The following DEFB112 variants were observed in gnomAD, a reference collection of about 807,000 sequenced individuals.
The protein encoded by DEFB112 is defensin beta 112, also known as beta-defensin 112.
Under a neutral mutation model 1.1 loss-of-function variants are expected in DEFB112, and 2 were observed. The observed-to-expected ratio is 1.85, with a 90% CI of 0.76 to 5.83. DEFB112 has a LOEUF of 5.83. Among genes scored for constraint, DEFB112 ranks in the 30% most tolerant of loss-of-function variants. The pLI is 0.05. For missense variants in DEFB112, 120 were observed against 94.4 expected (o/e 1.27, Z -1.12); for synonymous variants, 40 against 31.2 (o/e 1.28, Z -0.93).
In DEFB112 at chr6:50,043,738, C is replaced by A. The variant is rs760015661; in HGVS notation, c.122G>T (p.Arg41Leu). The A allele has an allele frequency of 6.2e-7, 1 of 1,613,302 alleles. No homozygotes were observed. Among genetic ancestry groups the A allele is most frequent in the Non-Finnish European group, 8.5e-7 (1 of 1,179,536 alleles). The change falls in exon 2 of 2, where the codon CGA becomes CTA. Residue 41 changes from arginine (R) to leucine (L), a missense_variant. Arg to Leu is a moderately radical substitution (Grantham distance 102). Transcript: ENST00000651554. Reference protein sequence around the residue: ...RWKSCTAIGGRCKNQCDDSEF... With the variant: ...RWKSCTAIGGLCKNQCDDSEF... ...ACTATCATCACATTGATTTTTACAT[C>A]GACCTCCAATCGCTGTACATGACTT...
intron 1 of DEFB112, among the ~76,000 whole-genome samples, chr6:50,049,320 G>A (rs532410141): frequency 9.9e-5 from 15 of 152,188 alleles, no homozygotes; most frequent in African/African-American, 3.4e-4. Flanking sequence ...CTGGAAGTGA[G>A]CAGTAGACAA....
rs1400175038 is a variant in DEFB112, at chr6:50,048,833, AAATG to A, written c.58+975_58+978del. Among the ~76,000 whole-genome samples the A allele has an allele frequency of 3.3e-5, 5 of 152,320 alleles. No individual in the cohort carries two copies. The East Asian group carries it at 9.7e-4, about 29-fold the overall frequency. ...AGTACATATGTTTAAAAATCCAGTT[AAATG>A]AATAAATGACTTGGCTATTAATAAG... On this transcript the variant is annotated intron_variant, in intron 1 of 1. Coordinates refer to ENST00000651554, the MANE Select transcript of DEFB112 (RefSeq NM_001369057.2).
intron 1 of DEFB112, among the ~76,000 whole-genome samples, chr6:50,045,700 C>T (rs1244891629): frequency 6.6e-6 from 1 of 152,138 alleles, no homozygotes; most frequent in Non-Finnish European, 1.5e-5. Flanking sequence ...ATGGTACAAC[C>T]TATCACATAC....
chr6:50,047,774 T>G (rs1006015119), intron 1 of DEFB112, among the ~76,000 whole-genome samples: 16 of 152,202 alleles, frequency 1.1e-4, no homozygotes, highest in Non-Finnish European at 8.8e-5. Context: ...CAGAACACCT[T>G]TATCATTCTT....
At chr6:50,049,132 C>A (rs1049372281) in intron 1 of DEFB112, among the ~76,000 whole-genome samples, 1 of 151,888 alleles carries the variant, frequency 6.6e-6, no homozygotes, top group Non-Finnish European at 1.5e-5. Context: ...CCTCCTTGTC[C>A]CCTTTTGGTG....
intron 1 of DEFB112, 141 bp from the exon 2 acceptor site, chr6:50,043,942 G>A: frequency 1.4e-6 from 1 of 719,830 alleles, no homozygotes; most frequent in Middle Eastern, 3.2e-4. Flanking sequence ...GTCCATATCA[G>A]AGAAAATCAA....
chr6:50,043,753 G>C lies in DEFB112; in HGVS notation c.107C>G (p.Thr36Arg). 6.2e-7 allele frequency: 1 copy of C among 1,613,438 alleles called. No homozygotes were observed. Among genetic ancestry groups the C allele is most frequent in the Admixed American group, 1.7e-5 (1 of 59,968 alleles). The change falls in exon 2 of 2, where the codon ACA (threonine) becomes AGA (arginine). Residue 36 changes from threonine (T) to arginine (R), a missense_variant. Physicochemically the swap from Thr to Arg is moderately conservative, Grantham distance 71. Coordinates refer to ENST00000651554, the MANE Select transcript of DEFB112 (RefSeq NM_001369057.2). ...HITFSRWKSC[T>R]AIGGRCKNQC... Reference sequence around the variant, plus strand: ...ATTTTTACATCGACCTCCAATCGCTGTACATGACTTCCACCTACTAAAGGT... The same window carrying C: ...ATTTTTACATCGACCTCCAATCGCTCTACATGACTTCCACCTACTAAAGGT...
At chr6:50,048,504 G>A (rs1340656719) in intron 1 of DEFB112, 4 of 1,540,886 alleles carry the variant, frequency 2.6e-6, no homozygotes, top group African/African-American at 1.4e-5. Flanking sequence ...TGATTAAAAT[G>A]TGCAAGACAC....
chr6:50,046,868 T>A (rs1774844324), intron 1 of DEFB112, among the ~76,000 whole-genome samples: 1 of 152,020 alleles, frequency 6.6e-6, no homozygotes, highest in Non-Finnish European at 1.5e-5. Context: ...TCCTAAAACA[T>A]AGGTTTGGAA....
rs371358459 is a variant in DEFB112 at position 50,048,490 on chromosome 6, G to A, written c.58+1322C>T. On this transcript the variant is annotated intron_variant, in intron 1 of 1. Coordinates refer to ENST00000651554, the MANE Select transcript of DEFB112 (RefSeq NM_001369057.2). Reference sequence around the variant, plus strand: ...ATATTTACTTCATTTCAGTCAAAAAGTATTGATTAAAATGTGCAAGACACA... The same window carrying A: ...ATATTTACTTCATTTCAGTCAAAAAATATTGATTAAAATGTGCAAGACACA... 12 of 1,478,184 alleles carry A rather than the reference G, an allele frequency of 8.1e-6. No individual in the cohort carries two copies. In the East Asian group the frequency reaches 2.5e-4, roughly 31 times the overall value. The allele number at this position is 1,478,184 out of a possible 1,614,324, so 91.6% of individuals were successfully genotyped here.
intron 1 of DEFB112, among the ~76,000 whole-genome samples, chr6:50,045,935 G>C (rs750945468): frequency 8.5e-5 from 13 of 152,110 alleles, no homozygotes; most frequent in Non-Finnish European, 5.9e-5. Flanking sequence ...CATACGTTCA[G>C]TGGATACAAT....
rs1350350778 is a variant in DEFB112 at position 50,043,101 on chromosome 6, A to G, written c.*474T>C. ...TATTTTCATAATTCTTTCAAAAAAG[A>G]GAGAAAAAGTATAACCAGGAAGTAT... On this transcript the variant is annotated 3_prime_UTR_variant, in exon 2 of 2. Coordinates refer to ENST00000651554, the MANE Select transcript of DEFB112 (RefSeq NM_001369057.2). 6.6e-6 allele frequency among the ~76,000 whole-genome samples: 1 copy of G among 152,046 alleles called. No individual in the cohort carries two copies. The highest frequency in any genetic ancestry group is 2.1e-4 in the South Asian group (1 of 4,820).
rs1774776345 is a variant in DEFB112 at position 50,043,347 on chromosome 6, T to G, written c.*228A>C. Among the ~76,000 whole-genome samples, 1 of 152,046 alleles carries G rather than the reference T, an allele frequency of 6.6e-6. No homozygotes were observed. Among genetic ancestry groups the G allele is most frequent in the South Asian group, 2.1e-4 (1 of 4,834 alleles). The stretch of plus-strand genomic sequence containing the variant: ...TAAACTTAGCGGTCCCATCATGGAT[T>G]TTCTTCTCCACGCTGCTTCTATTCC... On this transcript the variant is annotated 3_prime_UTR_variant, in exon 2 of 2. Transcript: ENST00000651554.
At chr6:50,045,981 T>G (rs1466002961) in intron 1 of DEFB112, among the ~76,000 whole-genome samples, 1 of 152,140 alleles carries the variant, frequency 6.6e-6, no homozygotes, top group Non-Finnish European at 1.5e-5. Context: ...TGTTTTATGC[T>G]TTTAGTACAT....
chr6:50,044,758 A>G (rs1441759774), intron 1 of DEFB112, among the ~76,000 whole-genome samples: 1 of 152,050 alleles, frequency 6.6e-6, no homozygotes, highest in East Asian at 1.9e-4. Flanking sequence ...CCATTACTCG[A>G]CTAATATAAG....
rs1381999389 is a variant in DEFB112 at position 50,049,919 on chromosome 6, C to T, written c.-50G>A. 1.3e-5 allele frequency among the ~76,000 whole-genome samples: 2 copies of T among 151,870 alleles called. No individual in the cohort carries two copies. Among genetic ancestry groups the T allele is most frequent in the African/African-American group, 4.8e-5 (2 of 41,352 alleles). On this transcript the variant is annotated 5_prime_UTR_variant, in exon 1 of 2. Transcript: ENST00000651554. ...CAGTGTACAGATCATCTGTCTGACT[C>T]AGCTGTTGTTGAAACAAGAAAAAAA...
intron 1 of DEFB112, among the ~76,000 whole-genome samples, chr6:50,048,352 T>C (rs1751584103): frequency 6.6e-6 from 1 of 152,154 alleles, no homozygotes; most frequent in African/African-American, 2.4e-5. Context: ...TCTACAACCT[T>C]AAAATAAGAT....
chr6:50,048,630 A>C (rs752525417), intron 1 of DEFB112: 40 of 1,612,934 alleles, frequency 2.5e-5, no homozygotes, highest in Non-Finnish European at 3.1e-5. Context: ...TTCAGTCTAC[A>C]TATGGTTGTC....
chr6:50,046,221 CTGTG>C (rs3057286), intron 1 of DEFB112, among the ~76,000 whole-genome samples: 2,254 of 141,252 alleles, frequency 0.016, 59 homozygotes, highest in African/African-American at 0.053. Flanking sequence ...TTGAGGAGCA[CTGTG>C]TGTGTGTGTG....
Sources: gnomAD v4.1 joint callset for allele counts (sites outside exome capture counted in the v4.1 genomes callset) on GRCh38, gnomAD v4.1.1 for gene constraint, MANE v1.5 for transcripts, NCBI Gene and HGNC (gene_info 2026-07-23, HGNC 2026-07-21) for gene names.